ITSN1: variants seen among roughly 807,000 people sequenced by gnomAD.
ITSN1 encodes the protein intersectin-1.
In ITSN1, 58 loss-of-function variants were observed where a neutral mutation model predicts 239.8. That is an observed-to-expected ratio of 0.24 (90% CI 0.20 to 0.30). The LOEUF (loss-of-function observed/expected upper bound fraction) is 0.30, where lower values mean the gene tolerates loss of function less well. ITSN1 is among the 10% of genes least tolerant of loss of function. The pLI is 1.00. For missense variants in ITSN1, 1,558 were observed against 2,103.3 expected (o/e 0.74, Z 5.07); for synonymous variants, 780 against 770.8 (o/e 1.01, Z -0.20).
At chr21:33,655,664 C>G (rs922585837) in intron 1 of ITSN1, among the ~76,000 whole-genome samples, 6 of 150,512 alleles carry the variant, frequency 4.0e-5, no homozygotes, top group Non-Finnish European at 5.9e-5. Flanking sequence ...AACGCCTGAC[C>G]CAAAGTGATC....
intron 1 of ITSN1, chr21:33,643,859 A>C (rs1284983808): frequency 6.6e-6 from 1 of 152,238 alleles, no homozygotes; most frequent in Non-Finnish European, 1.5e-5. Context: ...AATCCCATAC[A>C]AACAAATGCC....
chr21:33,652,997 C>CTTT (rs774663981), intron 1 of ITSN1, among the ~76,000 whole-genome samples: 1 of 137,070 alleles, frequency 7.3e-6, no homozygotes, highest in Non-Finnish European at 1.6e-5. Context: ...CTGGGAAGTT[C>CTTT]TTTTTTTTTT....
intron 1 of ITSN1, among the ~76,000 whole-genome samples, chr21:33,661,549 A>G (rs939023369): frequency 4.6e-5 from 7 of 152,066 alleles, no homozygotes; most frequent in Admixed American, 3.3e-4. Context: ...TTTTTGTATC[A>G]GTGTAAATAA....
chr21:33,672,010 C>T (rs950745864), intron 1 of ITSN1, among the ~76,000 whole-genome samples: 1 of 151,716 alleles, frequency 6.6e-6, no homozygotes, highest in African/African-American at 2.4e-5. Context: ...TTTGGGAGGC[C>T]GAGGTGGGCA....
Position 33,834,304 on chromosome 21 carries a change from T to G in ITSN1, c.3352-3T>G. The stretch of plus-strand genomic sequence containing the variant: ...ATGTTTGATGTAATTATTTTCTTAC[T>G]AGGCACGTGGGAAAAAGCGCCAGAT... On this transcript the variant is annotated splice_region_variant and splice_polypyrimidine_tract_variant and intron_variant, in intron 27 of 39. Transcript: ENST00000381318. The G allele has an allele frequency of 6.2e-7, 1 of 1,610,436 alleles. No individual in the cohort carries two copies. Among genetic ancestry groups the G allele is most frequent in the Non-Finnish European group, 8.5e-7 (1 of 1,176,798 alleles).
chr21:33,748,882 T>TA (rs142427393), intron 5 of ITSN1, among the ~76,000 whole-genome samples: 25 of 150,936 alleles, frequency 1.7e-4, no homozygotes, highest in African/African-American at 3.9e-4. Flanking sequence ...CAAAAATATT[T>TA]AAAAAAAATC....
At chr21:33,668,535 G>A (rs1408276158) in intron 1 of ITSN1, among the ~76,000 whole-genome samples, 1 of 152,196 alleles carries the variant, frequency 6.6e-6, no homozygotes, top group African/African-American at 2.4e-5. Flanking sequence ...CCTTTCTAGG[G>A]TCCACGACCT....
chr21:33,729,931 T>A (rs1198637680), intron 4 of ITSN1, among the ~76,000 whole-genome samples: 1 of 152,236 alleles, frequency 6.6e-6, no homozygotes, highest in Non-Finnish European at 1.5e-5. Context: ...GCGTTTTTAT[T>A]TTCCTTTCAC....
At chr21:33,796,126 G>C (rs1044602114) in intron 17 of ITSN1, among the ~76,000 whole-genome samples, 1 of 151,954 alleles carries the variant, frequency 6.6e-6, no homozygotes, top group African/African-American at 2.4e-5. Flanking sequence ...ACCACGCCCA[G>C]CTAATTTTTA....
At chr21:33,845,720 T>C (rs1290363916) in intron 29 of ITSN1, among the ~76,000 whole-genome samples, 4 of 152,244 alleles carry the variant, frequency 2.6e-5, no homozygotes, top group Non-Finnish European at 4.4e-5. Context: ...TACAGGAGCC[T>C]GCTCAGTGTT....
chr21:33,715,048 T>A (rs2065057892), intron 1 of ITSN1, among the ~76,000 whole-genome samples: 1 of 151,972 alleles, frequency 6.6e-6, no homozygotes. Context: ...TTATAAAAAA[T>A]AGGAATAGAA....
At chr21:33,809,981 C>T (rs537685574) in intron 20 of ITSN1, among the ~76,000 whole-genome samples, 8 of 152,144 alleles carry the variant, frequency 5.3e-5, no homozygotes, top group East Asian at 1.9e-4. Context: ...GTAGTAGAGA[C>T]GAGGTTTCAC....
At chr21:33,649,879 G>T (rs1454756496) in intron 1 of ITSN1, among the ~76,000 whole-genome samples, 1 of 151,928 alleles carries the variant, frequency 6.6e-6, no homozygotes. Context: ...AGGCGGGCGT[G>T]GTGGCGCACA....
intron 28 of ITSN1, among the ~76,000 whole-genome samples, 170 bp from the exon 29 acceptor site, chr21:33,836,271 C>A (rs2074597443): frequency 6.6e-6 from 1 of 152,194 alleles, no homozygotes; most frequent in South Asian, 2.1e-4. Context: ...GTTTTTAATT[C>A]TTCACCTTTA....
In ITSN1 at chr21:33,721,167, T is replaced by G. The variant is rs755610427; in HGVS notation, c.29-11T>G. ...ACTGAATAATTTGTTTGTCTTTTCTTTGGATTTTAGGCAGCCTGGATATCT... is the reference window on the plus strand; with the variant it reads ...ACTGAATAATTTGTTTGTCTTTTCTGTGGATTTTAGGCAGCCTGGATATCT... On this transcript the variant is annotated splice_polypyrimidine_tract_variant and intron_variant, in intron 2 of 39. Coordinates refer to ENST00000381318, the MANE Select transcript of ITSN1 (RefSeq NM_003024.3). 4 of 1,599,334 alleles carry G rather than the reference T, an allele frequency of 2.5e-6. No homozygotes were observed. Among genetic ancestry groups the G allele is most frequent in the Non-Finnish European group, 3.4e-6 (4 of 1,166,812 alleles).
intron 22 of ITSN1, 152 bp downstream of exon 22, chr21:33,814,224 A>T: frequency 3.3e-6 from 2 of 600,980 alleles, no homozygotes; most frequent in Non-Finnish European, 5.5e-6. Flanking sequence ...AGGAGCCAGA[A>T]ATCTGCTGTG....
At chr21:33,808,254 C>T (rs938549389) in intron 20 of ITSN1, among the ~76,000 whole-genome samples, 7 of 150,810 alleles carry the variant, frequency 4.6e-5, no homozygotes, top group East Asian at 2.0e-4. Flanking sequence ...AGAACTACAG[C>T]GCAACATCAG....
At chr21:33,741,447 A>G (rs1427931406) in intron 5 of ITSN1, among the ~76,000 whole-genome samples, 1 of 152,194 alleles carries the variant, frequency 6.6e-6, no homozygotes, top group East Asian at 1.9e-4. Context: ...CTGATTCCAA[A>G]TGAGATGTGT....
rs181264683 is a variant in ITSN1 at position 33,672,011 on chromosome 21, G to A, written c.-33+29298G>A. On this transcript the variant is annotated intron_variant, in intron 1 of 39. Transcript: ENST00000381318. ...GTAATTCCCAGCACTTTGGGAGGCC[G>A]AGGTGGGCAGATCACCTGAGGTTGG... Among the ~76,000 whole-genome samples, 344 of 151,922 alleles carry A rather than the reference G, an allele frequency of 2.3e-3. 1 individual carries two copies. The highest frequency in any genetic ancestry group is 8.1e-3 in the African/African-American group (334 of 41,428).
Sources: allele counts gnomAD v4.1 joint callset (sites outside exome capture counted in the v4.1 genomes callset), GRCh38; gene constraint gnomAD v4.1.1; transcripts MANE v1.5; gene names NCBI Gene and HGNC (gene_info 2026-07-23, HGNC 2026-07-21).